Variants in SMYD3 observed in about 807,000 individuals in gnomAD.
SMYD3 encodes histone-lysine N-methyltransferase SMYD3.
In SMYD3, 36 loss-of-function variants were observed where a neutral mutation model predicts 57.7. The ratio of observed to expected loss-of-function variants is 0.62; its 90% CI spans 0.48 to 0.82. SMYD3 has a LOEUF of 0.82. Among genes scored for constraint, SMYD3 ranks in the 40% least tolerant of loss-of-function variants. The probability of loss-of-function intolerance (pLI) is 0.00; values close to 1 mark genes in which losing one functional copy is unlikely to be tolerated. For synonymous variants in SMYD3, 211 were observed against 195.0 expected (o/e 1.08, Z -0.68); for missense variants, 515 against 538.8 (o/e 0.96, Z 0.44).
chr1:246,163,786 A>G (rs2062160984), intron 5 of SMYD3, among the ~76,000 whole-genome samples: 3 of 152,242 alleles, frequency 2.0e-5, no homozygotes, highest in African/African-American at 7.2e-5. Flanking sequence ...TGCTTCTGAG[A>G]CCTGGATGCT....
rs566800701 is a variant in SMYD3 at position 246,453,804 on chromosome 1, A to G, written c.164+53250T>C. Among the ~76,000 whole-genome samples the G allele has an allele frequency of 2.0e-5, 3 of 152,272 alleles. No homozygotes were observed. In the East Asian group the frequency reaches 5.8e-4, roughly 29 times the overall value. On this transcript the variant is annotated intron_variant, in intron 1 of 11. Coordinates refer to ENST00000490107, the MANE Select transcript of SMYD3 (RefSeq NM_001167740.2). Reference sequence around the variant, plus strand: ...TAGGCCAACCCTTAACAAATTTAATACCTTCTATTACCAGCCCAAGAGCAC... The same window carrying G: ...TAGGCCAACCCTTAACAAATTTAATGCCTTCTATTACCAGCCCAAGAGCAC...
rs576231865 is a variant in SMYD3 at position 246,501,218 on chromosome 1, T to C, written c.164+5836A>G. Among the ~76,000 whole-genome samples, 3 of 152,344 alleles carry C rather than the reference T, an allele frequency of 2.0e-5. No homozygotes were observed. The South Asian group carries it at 6.2e-4, about 32-fold the overall frequency. On this transcript the variant is annotated intron_variant, in intron 1 of 11. Transcript: ENST00000490107. ...AACCCAGTAACGTCTTTTTACATTA[T>C]TTTCACAGAGGTAAGTGCTTCCTTG...
At chr1:246,114,637 T>C (rs1293279256) in intron 5 of SMYD3, among the ~76,000 whole-genome samples, 1 of 152,112 alleles carries the variant, frequency 6.6e-6, no homozygotes. Flanking sequence ...CTCGTTTTTG[T>C]TGTTGTTGTT....
chr1:246,258,640 G>T (rs2063941985), intron 5 of SMYD3, among the ~76,000 whole-genome samples: 1 of 152,130 alleles, frequency 6.6e-6, no homozygotes, highest in East Asian at 1.9e-4. Context: ...TTCTCTAGCT[G>T]CCTTTAAGAT....
chr1:246,377,501 C>CT (rs1416604433), intron 1 of SMYD3, among the ~76,000 whole-genome samples: 1 of 151,846 alleles, frequency 6.6e-6, no homozygotes, highest in African/African-American at 2.4e-5. Context: ...TCCCGAGTAG[C>CT]TGGGAGTACA....
intron 5 of SMYD3, among the ~76,000 whole-genome samples, chr1:245,950,448 C>T (rs1195968410): frequency 6.6e-6 from 1 of 152,164 alleles, no homozygotes; most frequent in Non-Finnish European, 1.5e-5. Context: ...GATCTGAGTA[C>T]AGGTTGTTGG....
intron 5 of SMYD3, among the ~76,000 whole-genome samples, chr1:246,031,437 G>A (rs1385300154): frequency 2.0e-5 from 3 of 152,070 alleles, no homozygotes; most frequent in Admixed American, 6.6e-5. Flanking sequence ...AATTATTTCA[G>A]ATTAAAAAGA....
At chr1:246,164,142 G>A (rs1487985457) in intron 5 of SMYD3, among the ~76,000 whole-genome samples, 1 of 152,174 alleles carries the variant, frequency 6.6e-6, no homozygotes, top group East Asian at 1.9e-4. Context: ...GGGATCCCAG[G>A]TGAGAGAAAA....
chr1:245,888,337 T>C (rs1295950289), intron 8 of SMYD3, among the ~76,000 whole-genome samples: 1 of 152,208 alleles, frequency 6.6e-6, no homozygotes, highest in Non-Finnish European at 1.5e-5. Context: ...GTATGTTAAG[T>C]ATTTGAAAAT....
At chr1:246,362,250 T>C (rs973318133) in intron 1 of SMYD3, among the ~76,000 whole-genome samples, 21 of 152,232 alleles carry the variant, frequency 1.4e-4, no homozygotes, top group Admixed American at 2.0e-4. Flanking sequence ...AATTATCATA[T>C]AGTTTAATTA....
At chr1:246,204,454 GA>G (rs2062966954) in intron 5 of SMYD3, among the ~76,000 whole-genome samples, 1 of 152,212 alleles carries the variant, frequency 6.6e-6, no homozygotes, top group African/African-American at 2.4e-5. Flanking sequence ...GTCCAGCATA[GA>G]ATGTGGGCTC....
intron 1 of SMYD3, among the ~76,000 whole-genome samples, chr1:246,455,956 A>G (rs779663613): frequency 2.4e-4 from 37 of 152,252 alleles, no homozygotes; most frequent in Non-Finnish European, 4.4e-5. Flanking sequence ...AGGCACTTAA[A>G]GTATATCCTG....
intron 1 of SMYD3, among the ~76,000 whole-genome samples, chr1:246,427,987 T>C (rs1039127083): frequency 1.3e-5 from 2 of 152,204 alleles, no homozygotes; most frequent in Non-Finnish European, 2.9e-5. Context: ...GATATCTACA[T>C]GACTGAAAGT....
At chr1:246,306,218 A>G (rs1223790704) in intron 5 of SMYD3, among the ~76,000 whole-genome samples, 3 of 152,168 alleles carry the variant, frequency 2.0e-5, no homozygotes, top group Non-Finnish European at 4.4e-5. Context: ...GCCTGCCTGT[A>G]GTCCCATAGT....
At chr1:246,407,294 A>G (rs2066882747) in intron 1 of SMYD3, among the ~76,000 whole-genome samples, 1 of 152,234 alleles carries the variant, frequency 6.6e-6, no homozygotes. Context: ...ACCACCAGGT[A>G]AAATGAAAGA....
intron 5 of SMYD3, among the ~76,000 whole-genome samples, chr1:245,981,657 C>G (rs1322429165): frequency 1.3e-5 from 2 of 152,136 alleles, no homozygotes; most frequent in Non-Finnish European, 2.9e-5. Context: ...TCCAATCTAT[C>G]CTGCCATAAC....
At chr1:245,795,288 C>T (rs1342342582) in intron 10 of SMYD3, among the ~76,000 whole-genome samples, 1 of 152,204 alleles carries the variant, frequency 6.6e-6, no homozygotes, top group African/African-American at 2.4e-5. Flanking sequence ...TCATGTCGAC[C>T]ATCATTCCAG....
intron 1 of SMYD3, among the ~76,000 whole-genome samples, chr1:246,430,823 C>A (rs1368785500): frequency 6.6e-6 from 1 of 151,896 alleles, no homozygotes; most frequent in African/African-American, 2.4e-5. Context: ...ACCTGAGGAA[C>A]GTCAACATTA....
At chr1:246,268,123 G>A (rs1294842960) in intron 5 of SMYD3, among the ~76,000 whole-genome samples, 3 of 152,176 alleles carry the variant, frequency 2.0e-5, no homozygotes, top group Non-Finnish European at 4.4e-5. Flanking sequence ...GGCCTACTGG[G>A]CTGCATTCCC....
Sources: allele counts gnomAD v4.1 joint callset (sites outside exome capture counted in the v4.1 genomes callset), GRCh38; gene constraint gnomAD v4.1.1; transcripts MANE v1.5; gene names NCBI Gene and HGNC (gene_info 2026-07-23, HGNC 2026-07-21).